Variants in MAK observed in about 807,000 individuals in gnomAD.
MAK encodes serine/threonine-protein kinase MAK.
Under a neutral mutation model 82.6 loss-of-function variants are expected in MAK, and 65 were observed. That is an observed-to-expected ratio of 0.79 (90% CI 0.64 to 0.97). The LOEUF is 0.97. Ranked by LOEUF, MAK falls within the 50% of genes least tolerant of loss-of-function variation. The pLI is 0.00. For synonymous variants in MAK, 250 were observed against 274.2 expected (o/e 0.91, Z 0.87); for missense variants, 703 against 780.2 (o/e 0.90, Z 1.18).
intron 4 of MAK, among the ~76,000 whole-genome samples, chr6:10,815,588 A>T (rs891438394): frequency 1.3e-5 from 2 of 151,934 alleles, no homozygotes; most frequent in Non-Finnish European, 2.9e-5. Flanking sequence ...GCACCACTGC[A>T]CTCTGGCCCT....
chr6:10,805,075 G>T (rs917804971), intron 6 of MAK, among the ~76,000 whole-genome samples: 2 of 150,080 alleles, frequency 1.3e-5, no homozygotes, highest in Non-Finnish European at 3.0e-5. Flanking sequence ...TGTGTCGGGG[G>T]GGGGGTGGGG....
chr6:10,814,991 T>A (rs2127573418), intron 4 of MAK, among the ~76,000 whole-genome samples: 1 of 150,802 alleles, frequency 6.6e-6, no homozygotes, highest in African/African-American at 2.4e-5. Flanking sequence ...GAGCTGAGAT[T>A]ACACCACTTC....
intron 2 of MAK, among the ~76,000 whole-genome samples, chr6:10,829,841 T>C (rs1476563235): frequency 6.6e-6 from 1 of 151,538 alleles, no homozygotes. Flanking sequence ...CTCGTATATA[T>C]TCTTTTTTTT....
At chr6:10,836,376 T>C (rs1230423387) in intron 1 of MAK, among the ~76,000 whole-genome samples, 1 of 152,182 alleles carries the variant, frequency 6.6e-6, no homozygotes, top group Non-Finnish European at 1.5e-5. Flanking sequence ...CTGCCCAGGG[T>C]GAGACGCTGA....
chr6:10,832,132 C>G (rs539644621), intron 1 of MAK, among the ~76,000 whole-genome samples: 1 of 152,118 alleles, frequency 6.6e-6, no homozygotes, highest in Admixed American at 6.5e-5. Flanking sequence ...ATTACAGGTG[C>G]GCACCACCAC....
Position 10,803,628 on chromosome 6 carries a change from AGTT to A in MAK, c.663+89_663+91del, listed in dbSNP as rs1310577849. ...TGAAAATATCAGATATCTAGGCAAAAGTTGTAAATAATCAAAATTATAAAATTA... is the reference window on the plus strand; with the variant it reads ...TGAAAATATCAGATATCTAGGCAAAAGTAAATAATCAAAATTATAAAATTA... On this transcript the variant is annotated intron_variant, in intron 7 of 14. Transcript: ENST00000354489. 2.7e-5 allele frequency: 29 copies of A among 1,082,636 alleles called. No individual in the cohort carries two copies. In the East Asian group the frequency reaches 5.7e-4, roughly 21 times the overall value. 67.1% of individuals were successfully genotyped at this position (1,082,636 alleles called of 1,614,324 possible). A position where few individuals can be genotyped will look rare whatever the true frequency, so the allele number is the denominator to read the frequency against.
Position 10,793,315 on chromosome 6 carries a change from A to G in MAK, c.1144-1468T>C, listed in dbSNP as rs1173429461. 6.6e-6 allele frequency among the ~76,000 whole-genome samples: 1 copy of G among 152,226 alleles called. No individual in the cohort carries two copies. The highest frequency in any genetic ancestry group is 1.5e-5 in the Non-Finnish European group (1 of 68,046). On this transcript the variant is annotated intron_variant, in intron 9 of 14. Coordinates refer to ENST00000354489, the MANE Select transcript of MAK (RefSeq NM_001242957.3). This position sits in a 1 kb window ranked among gnomAD's most constrained non-coding sequence, Gnocchi z 4.6. ...TTGAAGAACTTGACCAACAGTACTG[A>G]CAAATGGATCAACGTCAATCTAGAG...
chr6:10,812,501 C>A (rs1435330096), intron 5 of MAK, among the ~76,000 whole-genome samples: 1 of 151,976 alleles, frequency 6.6e-6, no homozygotes, highest in African/African-American at 2.4e-5. Flanking sequence ...AGAATAGAAA[C>A]AACTAAATGT....
At chr6:10,818,012 A>T (rs143373783) in intron 3 of MAK, 41 bp from the exon 4 acceptor site, 1 of 1,338,586 alleles carries the variant, frequency 7.5e-7, no homozygotes, top group Non-Finnish European at 1.0e-6. Flanking sequence ...CTTAAAAAAA[A>T]CTTACAGAAT....
chr6:10,799,393 T>C (rs1158786085), intron 8 of MAK, among the ~76,000 whole-genome samples: 2 of 152,232 alleles, frequency 1.3e-5, no homozygotes, highest in Non-Finnish European at 2.9e-5. Context: ...TTACTACTTT[T>C]CTTTTTAAAA....
rs368102323 is a variant in MAK at position 10,801,945 on chromosome 6, G to C, written c.778C>G (p.Leu260Val). Residue 260 changes from leucine to valine, a missense_variant, in exon 8 of 15, where the codon CTC (leucine) becomes GTC (valine). Transcript: ENST00000354489. ...TCCCAATTCAACATTTCGGTCATGAGCTGAATAGCTTCATTACTGGCATTG... is the reference window on the plus strand; with the variant it reads ...TCCCAATTCAACATTTCGGTCATGACCTGAATAGCTTCATTACTGGCATTG... Reference protein sequence around the residue: ...IPNASNEAIQLMTEMLNWDPK... With the variant: ...IPNASNEAIQVMTEMLNWDPK... The C allele has an allele frequency of 6.2e-7, 1 of 1,613,992 alleles. No individual in the cohort carries two copies. Among genetic ancestry groups the C allele is most frequent in the Non-Finnish European group, 8.5e-7 (1 of 1,180,010 alleles).
At chr6:10,767,823 A>G (rs1772605839) in intron 14 of MAK, among the ~76,000 whole-genome samples, 1 of 151,842 alleles carries the variant, frequency 6.6e-6, no homozygotes, top group South Asian at 2.1e-4. Flanking sequence ...AAAAACAAAA[A>G]TCTTGAAGGG....
In MAK at chr6:10,818,879, ATT is replaced by A; in HGVS notation, c.156+5_156+6del. On this transcript the variant is annotated splice_donor_5th_base_variant and intron_variant, in intron 3 of 14. Coordinates refer to ENST00000354489, the MANE Select transcript of MAK (RefSeq NM_001242957.3). ...TTCTCAGGTTCTTTTCATCTTTAGG[ATT>A]TTACCTTAACTTCTCTCAAGTTCAT... The A allele has an allele frequency of 6.5e-7, 1 of 1,542,896 alleles. No individual in the cohort carries two copies. Among genetic ancestry groups the A allele is most frequent in the Non-Finnish European group, 9.0e-7 (1 of 1,116,632 alleles).
rs377201252 is a variant in MAK, at chr6:10,764,440, C to T, written c.*12G>A. On this transcript the variant is annotated 3_prime_UTR_variant, in exon 15 of 15. Transcript: ENST00000354489. ...TACGGAGCAATGCTGTAGGGTTTCACACCATAGACTCCTACCGGTGGCCTC... is the reference window on the plus strand; with the variant it reads ...TACGGAGCAATGCTGTAGGGTTTCATACCATAGACTCCTACCGGTGGCCTC... The T allele has an allele frequency of 1.6e-4, 265 of 1,613,610 alleles. No homozygotes were observed. The African/African-American group carries it at 3.2e-3, about 20-fold the overall frequency.
At chr6:10,772,078 CA>C (rs1561931348) in intron 13 of MAK, among the ~76,000 whole-genome samples, 2 of 152,192 alleles carry the variant, frequency 1.3e-5, no homozygotes, top group African/African-American at 4.8e-5. Flanking sequence ...TCCCAAACCA[CA>C]AAAGCTGGTG....
In MAK at chr6:10,796,068, G is replaced by A; in HGVS notation, c.1073C>T (p.Pro358Leu). The A allele has an allele frequency of 1.2e-6, 2 of 1,614,136 alleles. No homozygotes were observed. The highest frequency in any genetic ancestry group is 2.2e-5 in the East Asian group (1 of 44,876). ...QPPQNLSVQQ[P>L]PKQQSQEKPP... ...TTTCTCCTGACTCTGTTGCTTTGGA[G>A]GTTGCTGGACGCTCAGGTTCTGTGG... Residue 358 changes from proline (P) to leucine (L), a missense_variant, in exon 9 of 15, where the codon CCT (proline) becomes CTT (leucine). Coordinates refer to ENST00000354489, the MANE Select transcript of MAK (RefSeq NM_001242957.3).
At chr6:10,780,962 T>A (rs944461732) in intron 11 of MAK, among the ~76,000 whole-genome samples, 1 of 152,140 alleles carries the variant, frequency 6.6e-6, no homozygotes, top group Admixed American at 6.6e-5. Flanking sequence ...TTTCTGCTGC[T>A]TTCAAAAGTG....
rs1450447701 is a variant in MAK at position 10,773,110 on chromosome 6, T to G, written c.1598-2A>C. The G allele has an allele frequency of 3.4e-6, 5 of 1,467,948 alleles. No individual in the cohort carries two copies. In the East Asian group the frequency reaches 9.9e-5, roughly 29 times the overall value. The allele number at this position is 1,467,948 out of a possible 1,614,324, so 90.9% of individuals were successfully genotyped here. On this transcript the variant is annotated splice_acceptor_variant, in intron 12 of 14. Transcript: ENST00000354489. LOFTEE classifies it high-confidence loss of function. Reference sequence around the variant, plus strand: ...CGATTGGTTTAATTATGCTTTCTTCTAAAGAGAAGACAGATGGAAAGAAAG... The same window carrying G: ...CGATTGGTTTAATTATGCTTTCTTCGAAAGAGAAGACAGATGGAAAGAAAG...
intron 6 of MAK, among the ~76,000 whole-genome samples, chr6:10,804,290 GTT>G (rs370713136): frequency 6.6e-6 from 1 of 151,830 alleles, no homozygotes; most frequent in Non-Finnish European, 1.5e-5. Flanking sequence ...GAGTAGTGGA[GTT>G]TTTTTTTATC....
Sources: allele counts gnomAD v4.1 joint callset (sites outside exome capture counted in the v4.1 genomes callset), GRCh38; gene constraint gnomAD v4.1.1; non-coding constraint Gnocchi (gnomAD v3.1); transcripts MANE v1.5; gene names NCBI Gene and HGNC (gene_info 2026-07-23, HGNC 2026-07-21).